Variants in PTPRO observed in about 807,000 individuals in gnomAD.
PTPRO encodes the protein receptor-type tyrosine-protein phosphatase O.
Under a neutral mutation model 145.2 loss-of-function variants are expected in PTPRO, and 62 were observed. The ratio of observed to expected loss-of-function variants is 0.43; its 90% CI spans 0.35 to 0.53. The LOEUF is 0.53. PTPRO is among the 20% of genes least tolerant of loss of function. The probability of loss-of-function intolerance (pLI) is 0.01; values close to 1 mark genes in which losing one functional copy is unlikely to be tolerated. For missense variants in PTPRO, 1,345 were observed against 1,482.7 expected (o/e 0.91, Z 1.53); for synonymous variants, 565 against 514.7 (o/e 1.10, Z -1.32).
chr12:15,549,089 C>T lies in PTPRO; in HGVS notation c.2305-5C>T, dbSNP rs771948342. ...TAAAATTTACCTTATTTTCTGAAAC[C>T]CCAGGAACCAGTTGCTGTTTCTTCC... is the stretch of plus-strand genomic sequence containing the variant. On this transcript the variant is annotated splice_region_variant and splice_polypyrimidine_tract_variant and intron_variant, in intron 13 of 26. Coordinates refer to ENST00000281171, the MANE Select transcript of PTPRO (RefSeq NM_030667.3). The T allele has an allele frequency of 2.5e-6, 4 of 1,612,758 alleles. No homozygotes were observed. The highest frequency in any genetic ancestry group is 3.4e-6 in the Non-Finnish European group (4 of 1,179,294).
chr12:15,393,238 G>T (rs892081212), intron 1 of PTPRO, among the ~76,000 whole-genome samples: 3 of 152,082 alleles, frequency 2.0e-5, no homozygotes, highest in African/African-American at 4.8e-5. Flanking sequence ...ACACCAACAT[G>T]TCTATGAATC....
rs542621331 is a variant in PTPRO at position 15,589,504 on chromosome 12, C to G, written c.3460C>G (p.Gln1154Glu). Residue 1154 changes from glutamine (Q) to glutamate (E), a missense_variant, in exon 25 of 27, where the codon CAG (glutamine) becomes GAG (glutamate). Around this residue, in one of 3 missense-constraint regions of PTPRO, gnomAD observed 208 missense variants for 242.8 expected, o/e 0.86. Coordinates refer to ENST00000281171, the MANE Select transcript of PTPRO (RefSeq NM_030667.3). ...ATTCATTGCCCTGGACAGGCTCTTGCAGCACATTCGGGATCATGAGTTTGT... is the reference window on the plus strand; with the variant it reads ...ATTCATTGCCCTGGACAGGCTCTTGGAGCACATTCGGGATCATGAGTTTGT... ...GTFIALDRLL[Q>E]HIRDHEFVDI... 14 of 1,614,082 alleles carry G rather than the reference C, an allele frequency of 8.7e-6. No individual in the cohort carries two copies. The African/African-American group carries it at 1.7e-4, about 20-fold the overall frequency.
intron 1 of PTPRO, among the ~76,000 whole-genome samples, chr12:15,425,261 G>A (rs1011469797): frequency 2.0e-5 from 3 of 152,080 alleles, no homozygotes; most frequent in Non-Finnish European, 2.9e-5. Flanking sequence ...TATGTACCAA[G>A]TTTTATTCTA....
chr12:15,437,181 G>C (rs905322521), intron 1 of PTPRO, among the ~76,000 whole-genome samples: 1 of 151,830 alleles, frequency 6.6e-6, no homozygotes, highest in Non-Finnish European at 1.5e-5. Context: ...CATTCACCTG[G>C]TTCAGCAGCC....
chr12:15,505,666 C>T (rs190820071), intron 6 of PTPRO, among the ~76,000 whole-genome samples: 11 of 152,130 alleles, frequency 7.2e-5, no homozygotes, highest in East Asian at 1.9e-4. Flanking sequence ...AAATGGATAC[C>T]GCAGACATAA....
chr12:15,405,125 A>G lies in PTPRO; in HGVS notation c.76-78849A>G, dbSNP rs77998300. On this transcript the variant is annotated intron_variant, in intron 1 of 26. Coordinates refer to ENST00000281171, the MANE Select transcript of PTPRO (RefSeq NM_030667.3). ...CATCACATGGGGGATTAAGGCTTCA[A>G]CATATGAATTTGGGGTGACATAAAC... is the stretch of plus-strand genomic sequence containing the variant. 4.4e-4 allele frequency among the ~76,000 whole-genome samples: 67 copies of G among 152,330 alleles called. No homozygotes were observed. In the East Asian group the frequency reaches 0.013, roughly 29 times the overall value.
rs563647280 is a variant in PTPRO, at chr12:15,587,176, A to T, written c.3410+125A>T. The T allele has an allele frequency of 2.1e-4, 228 of 1,080,896 alleles. No individual in the cohort carries two copies. The African/African-American group carries it at 3.1e-3, about 15-fold the overall frequency. The allele number at this position is 1,080,896 out of a possible 1,614,324, so 67.0% of individuals were successfully genotyped here. A position where few individuals can be genotyped will look rare whatever the true frequency, so the allele number is the denominator to read the frequency against. On this transcript the variant is annotated intron_variant, in intron 24 of 26. Transcript: ENST00000281171. ...TTAAATAAACTCTGATGTTTTTTAA[A>T]CTATGATTAATTGATGTCTCACTAT... is the stretch of plus-strand genomic sequence containing the variant.
At chr12:15,526,888 G>T (rs1264538387) in intron 12 of PTPRO, among the ~76,000 whole-genome samples, 1 of 151,734 alleles carries the variant, frequency 6.6e-6, no homozygotes, top group East Asian at 1.9e-4. Context: ...AATAAGCAAA[G>T]AAATGAACAA....
At chr12:15,477,828 A>G (rs253837) in intron 1 of PTPRO, among the ~76,000 whole-genome samples, 5,724 of 152,246 alleles carry the variant, frequency 0.038, 176 homozygotes, top group East Asian at 0.14. Context: ...CAGAGGGATG[A>G]GAGGGCATCC....
intron 1 of PTPRO, among the ~76,000 whole-genome samples, chr12:15,328,799 C>G (rs963368383): frequency 6.6e-6 from 1 of 152,120 alleles, no homozygotes; most frequent in Non-Finnish European, 1.5e-5. Flanking sequence ...GAATGCTGCA[C>G]AGTTCATTTT....
intron 1 of PTPRO, among the ~76,000 whole-genome samples, chr12:15,446,456 C>T (rs954885758): frequency 1.3e-5 from 2 of 151,940 alleles, no homozygotes; most frequent in African/African-American, 2.4e-5. Flanking sequence ...AGACTCATTC[C>T]GTTCTTCCTT....
At chr12:15,538,230 T>C (rs1489787243) in intron 12 of PTPRO, among the ~76,000 whole-genome samples, 5 of 99,056 alleles carry the variant, frequency 5.0e-5, no homozygotes, top group Non-Finnish European at 8.9e-5. Context: ...CCAAACCACT[T>C]TAGTGCTTCT....
chr12:15,520,127 T>A, intron 9 of PTPRO, 74 bp from the exon 10 acceptor site: 1 of 957,334 alleles, frequency 1.0e-6, no homozygotes, highest in South Asian at 1.3e-5. Flanking sequence ...TAATTTTTTA[T>A]GAAAGTAAGT....
intron 1 of PTPRO, among the ~76,000 whole-genome samples, chr12:15,330,429 C>T (rs1430787913): frequency 1.3e-5 from 2 of 152,122 alleles, no homozygotes; most frequent in Admixed American, 6.6e-5. Flanking sequence ...AGTCTACTCT[C>T]GAGATCAACT....
At position 15,433,316 on chromosome 12, in the gene PTPRO, C is replaced by T. The variant is rs539109405; in HGVS notation, c.76-50658C>T. Among the ~76,000 whole-genome samples, 37 of 152,158 alleles carry T rather than the reference C, an allele frequency of 2.4e-4. No homozygotes were observed. In the South Asian group the frequency reaches 7.3e-3, roughly 30 times the overall value. On this transcript the variant is annotated intron_variant, in intron 1 of 26. Coordinates refer to ENST00000281171, the MANE Select transcript of PTPRO (RefSeq NM_030667.3). ...TCAGCCTCCTGAGTAGCTGGAACTA[C>T]AAGTGTGTGCCACCATGCTCGGCTA... is the stretch of plus-strand genomic sequence containing the variant.
At chr12:15,507,230 T>C (rs924601997) in intron 6 of PTPRO, among the ~76,000 whole-genome samples, 4 of 151,988 alleles carry the variant, frequency 2.6e-5, no homozygotes, top group Admixed American at 2.6e-4. Flanking sequence ...CTGGCCAACA[T>C]GGTGAAATCT....
rs751486834 is a variant in PTPRO, at chr12:15,580,677, T to G, written c.2998-20T>G. 6.2e-7 allele frequency: 1 copy of G among 1,614,020 alleles called. No individual in the cohort carries two copies. Among genetic ancestry groups the G allele is most frequent in the Non-Finnish European group, 8.5e-7 (1 of 1,179,926 alleles). On this transcript the variant is annotated intron_variant, in intron 21 of 26. Coordinates refer to ENST00000281171, the MANE Select transcript of PTPRO (RefSeq NM_030667.3). ...TTGACAGTGTCTGGTTAGGTGATAA[T>G]TTTGTCACTTATCTTTCAGGGATAC...
chr12:15,424,363 G>C (rs1308851486), intron 1 of PTPRO, among the ~76,000 whole-genome samples: 1 of 151,910 alleles, frequency 6.6e-6, no homozygotes, highest in African/African-American at 2.4e-5. Context: ...TCATATTTTA[G>C]GTAGGAATGG....
intron 1 of PTPRO, among the ~76,000 whole-genome samples, chr12:15,421,358 G>A (rs1940139769): frequency 6.6e-6 from 1 of 152,154 alleles, no homozygotes; most frequent in Non-Finnish European, 1.5e-5. Flanking sequence ...TGCAATAAAT[G>A]TACTTTTTAA....
Sources: allele counts gnomAD v4.1 joint callset (sites outside exome capture counted in the v4.1 genomes callset), GRCh38; gene constraint gnomAD v4.1.1; regional missense constraint gnomAD v4.1.1; transcripts MANE v1.5; gene names NCBI Gene and HGNC (gene_info 2026-07-23, HGNC 2026-07-21).